The following TINAG variants were observed in gnomAD, a reference collection of about 807,000 sequenced individuals.
The protein encoded by TINAG is tubulointerstitial nephritis antigen.
A neutral mutation model predicts 72.7 loss-of-function variants in TINAG; 83 were observed. The ratio of observed to expected loss-of-function variants is 1.14; its 90% confidence interval spans 0.96 to 1.37. TINAG has a LOEUF of 1.37. Among genes scored for constraint, TINAG ranks in the 40% most tolerant of loss-of-function variants. TINAG has a pLI of 0.00. For missense variants in TINAG, 685 were observed against 576.6 expected, an observed-to-expected ratio of 1.19 and a Z score of -1.93; for synonymous variants, 234 against 189.9, an observed-to-expected ratio of 1.23 and a Z score of -1.91.
intron 9 of TINAG, among the ~76,000 whole-genome samples, chr6:54,378,581 G>A (rs1763853794): frequency 6.6e-6 from 1 of 152,164 alleles, no homozygotes; most frequent in Admixed American, 6.6e-5. Flanking sequence ...ACTGATAGCA[G>A]TTGAACAAAA....
rs749475108 is a variant in TINAG, at chr6:54,354,558, T to TACAC, written c.1173_1174insCACA (p.Tyr392HisfsTer10). 1.9e-6 allele frequency: 3 copies of TACAC among 1,610,182 alleles called. No homozygotes were observed. The highest frequency in any genetic ancestry group is 2.5e-6 in the Non-Finnish European group (3 of 1,177,692). On this transcript the variant is annotated frameshift_variant, in exon 9 of 11. Coordinates refer to ENST00000259782, the MANE Select transcript of TINAG (RefSeq NM_014464.4). LOFTEE classifies it high-confidence loss of function. The stretch of plus-strand genomic sequence containing the variant: ...GATTTCTTCCATTATAAGACAGGGA[T>TACAC]ATACAGACATGTTACCAGCACAAAT...
intron 1 of TINAG, among the ~76,000 whole-genome samples, chr6:54,309,862 C>T (rs913933675): frequency 6.9e-6 from 1 of 144,430 alleles, no homozygotes; most frequent in Non-Finnish European, 1.5e-5. Flanking sequence ...AAAAAAAAAT[C>T]CAGATGCCAT....
intron 9 of TINAG, among the ~76,000 whole-genome samples, chr6:54,374,257 T>C (rs7739948): frequency 0.095 from 14,501 of 152,110 alleles, 1,159 homozygotes; most frequent in East Asian, 0.35. Flanking sequence ...TATTTTCATG[T>C]GAAAAATGCT....
chr6:54,353,664 T>C (rs1285065968), intron 8 of TINAG, among the ~76,000 whole-genome samples: 5 of 151,830 alleles, frequency 3.3e-5, no homozygotes, highest in Non-Finnish European at 5.9e-5. Context: ...AACTGGAACA[T>C]TGAAAAGTTA....
chr6:54,353,521 C>T (rs1032619585), intron 8 of TINAG, among the ~76,000 whole-genome samples: 1 of 151,676 alleles, frequency 6.6e-6, no homozygotes, highest in African/African-American at 2.4e-5. Flanking sequence ...CAGAGATCTG[C>T]GTAAAGTACA....
chr6:54,377,011 C>T (rs1415430140), intron 9 of TINAG, among the ~76,000 whole-genome samples: 2 of 151,788 alleles, frequency 1.3e-5, no homozygotes, highest in Non-Finnish European at 2.9e-5. Flanking sequence ...CCAGCATATT[C>T]CCAGGTATCA....
At chr6:54,325,178 A>G (rs1257438901) in intron 3 of TINAG, among the ~76,000 whole-genome samples, 8 of 151,916 alleles carry the variant, frequency 5.3e-5, no homozygotes, top group Admixed American at 5.2e-4. Context: ...AAATTTGCCA[A>G]CTCCTTCAGT....
intron 9 of TINAG, among the ~76,000 whole-genome samples, chr6:54,364,610 C>T (rs1042386692): frequency 2.0e-5 from 3 of 150,634 alleles, no homozygotes; most frequent in African/African-American, 7.3e-5. Flanking sequence ...TTTTTAAAAC[C>T]ATTATGAGAA....
chr6:54,328,000 G>T (rs1256648435), intron 4 of TINAG, among the ~76,000 whole-genome samples: 3 of 152,180 alleles, frequency 2.0e-5, no homozygotes, highest in Non-Finnish European at 4.4e-5. Context: ...CCATCTCCCT[G>T]AGACGGAGCA....
rs1314683101 is a variant in TINAG at position 54,349,789 on chromosome 6, A to C, written c.973A>C (p.Arg325=). 1.2e-6 allele frequency: 2 copies of C among 1,606,676 alleles called. No individual in the cohort carries two copies. The highest frequency in any genetic ancestry group is 1.3e-5 in the African/African-American group (1 of 74,690). Residue 325 remains arginine (R), a synonymous_variant, in exon 7 of 11, where the codon AGG becomes CGG. Transcript: ENST00000259782. ...CAACAATGGATGTGCCATGGCAAGCAGGTCTGATGGGCGAGGAAAACGGCA... is the reference window on the plus strand; with the variant it reads ...CAACAATGGATGTGCCATGGCAAGCCGGTCTGATGGGCGAGGAAAACGGCA... The part of the protein sequence containing the change: ...ATNNGCAMAS[R]SDGRGKRHAT...
In TINAG at chr6:54,341,227, A is replaced by C. The variant is rs550851711; in HGVS notation, c.625-1999A>C. 4.6e-5 allele frequency among the ~76,000 whole-genome samples: 7 copies of C among 152,282 alleles called. 1 individual carries two copies. Among genetic ancestry groups the C allele is most frequent in the Admixed American group, 4.6e-4 (7 of 15,282 alleles). On this transcript the variant is annotated intron_variant, in intron 4 of 10. Transcript: ENST00000259782. ...TGACAAACCAATAATACAAAATTGAAGGGTATGAGTTTTAAGATATGTATA... is the reference window on the plus strand; with the variant it reads ...TGACAAACCAATAATACAAAATTGACGGGTATGAGTTTTAAGATATGTATA...
chr6:54,309,844 C>CAAAAAAAAAA (rs58742359), intron 1 of TINAG, among the ~76,000 whole-genome samples: 1 of 141,226 alleles, frequency 7.1e-6, no homozygotes, highest in Non-Finnish European at 1.5e-5. Context: ...AAGACTGTGT[C>CAAAAAAAAAA]AAAAAAAAAA....
At chr6:54,371,823 T>C (rs968580514) in intron 9 of TINAG, among the ~76,000 whole-genome samples, 2 of 152,072 alleles carry the variant, frequency 1.3e-5, no homozygotes, top group East Asian at 1.9e-4. Flanking sequence ...ACTTTTTTAG[T>C]TGGGAAATAC....
intron 9 of TINAG, among the ~76,000 whole-genome samples, chr6:54,373,165 T>C (rs1178186931): frequency 6.6e-6 from 1 of 152,036 alleles, no homozygotes; most frequent in Non-Finnish European, 1.5e-5. Flanking sequence ...AATATTGGTA[T>C]AATGACCCAA....
At chr6:54,340,984 T>C (rs1275412350) in intron 4 of TINAG, among the ~76,000 whole-genome samples, 1 of 152,156 alleles carries the variant, frequency 6.6e-6, no homozygotes, top group Non-Finnish European at 1.5e-5. Context: ...AGTACTCTGA[T>C]AGGCTTTCAA....
chr6:54,315,705 A>T (rs1784357812), intron 1 of TINAG, among the ~76,000 whole-genome samples: 1 of 151,986 alleles, frequency 6.6e-6, no homozygotes, highest in Non-Finnish European at 1.5e-5. Flanking sequence ...AAAAAATTCA[A>T]ATGTCAGATA....
chr6:54,318,860 C>T (rs996272578), intron 1 of TINAG, among the ~76,000 whole-genome samples: 2 of 152,018 alleles, frequency 1.3e-5, no homozygotes, highest in Non-Finnish European at 2.9e-5. Context: ...CTGATTATGG[C>T]TTTTGCTCAA....
intron 1 of TINAG, among the ~76,000 whole-genome samples, chr6:54,313,956 G>T (rs560409052): frequency 5.8e-4 from 88 of 152,192 alleles, no homozygotes; most frequent in African/African-American, 2.0e-3. Flanking sequence ...CCATGATTGT[G>T]GTAAGCATTG....
At chr6:54,363,023 C>A (rs1475243595) in intron 9 of TINAG, among the ~76,000 whole-genome samples, 1 of 151,496 alleles carries the variant, frequency 6.6e-6, no homozygotes, top group Admixed American at 6.6e-5. Flanking sequence ...TTTTGAAGAT[C>A]TGAGAAACGT....
Sources: allele counts gnomAD v4.1 joint callset (sites outside exome capture counted in the v4.1 genomes callset), GRCh38; gene constraint gnomAD v4.1.1; transcripts MANE v1.5; gene names NCBI Gene and HGNC (gene_info 2026-07-23, HGNC 2026-07-21).